ULK2: variants seen among roughly 807,000 people sequenced by gnomAD.
ULK2 encodes serine/threonine-protein kinase ULK2.
Under a neutral mutation model 127.5 loss-of-function variants are expected in ULK2, and 76 were observed. The ratio of observed to expected loss-of-function variants is 0.60; its 90% confidence interval spans 0.50 to 0.72. The LOEUF is 0.72. ULK2 is among the 30% of genes least tolerant of loss of function. The pLI, the probability that ULK2 is intolerant of heterozygous loss-of-function variation, is 0.00. For synonymous variants in ULK2, 452 were observed against 461.9 expected (o/e 0.98, Z 0.28); for missense variants, 1,144 against 1,295.9 (o/e 0.88, Z 1.80).
intron 3 of ULK2, among the ~76,000 whole-genome samples, chr17:19,855,531 C>T (rs1259081553): frequency 1.4e-5 from 2 of 138,400 alleles, no homozygotes; most frequent in Non-Finnish European, 3.0e-5. Flanking sequence ...ATCCGAGAGG[C>T]GGAGGTTGTA....
chr17:19,804,700 A>G lies in ULK2; in HGVS notation c.1288T>C (p.Ser430Pro). 3.1e-6 allele frequency: 5 copies of G among 1,593,826 alleles called. No homozygotes were observed. Among genetic ancestry groups the G allele is most frequent in the Non-Finnish European group, 4.3e-6 (5 of 1,170,364 alleles). Residue 430 changes from serine (S) to proline (P), a missense_variant, in exon 15 of 27, where the codon TCT becomes CCT. Physicochemically the swap from Ser to Pro is moderately conservative, Grantham distance 74. This residue lies in a region of ULK2 where 913 missense variants were observed against 970.5 expected (regional missense o/e 0.94). Transcript: ENST00000395544. The part of the protein sequence containing the change: ...TASSGTNVHG[S>P]PRSAVVRRSN... ...AAAAAGCTACTAACTTACCTTGGAG[A>G]ACCATGTACATTTGTGCCTGAGCTG...
At chr17:19,866,796 GTCTA>G (rs944579574) in intron 1 of ULK2, among the ~76,000 whole-genome samples, 4 of 152,148 alleles carry the variant, frequency 2.6e-5, no homozygotes, top group Non-Finnish European at 5.9e-5. Flanking sequence ...CCCGGAGCTC[GTCTA>G]TCTGACTCCG....
At chr17:19,792,747 A>C (rs934808002) in intron 20 of ULK2, among the ~76,000 whole-genome samples, 1 of 152,136 alleles carries the variant, frequency 6.6e-6, no homozygotes, top group Admixed American at 6.5e-5. Flanking sequence ...AACAAACAAA[A>C]AAAAACCCAG....
chr17:19,814,435 T>TATAC (rs1567696510), intron 13 of ULK2, among the ~76,000 whole-genome samples: 2 of 30,730 alleles, frequency 6.5e-5, no homozygotes, highest in African/African-American at 3.1e-4. Flanking sequence ...TATATATATA[T>TATAC]ATATTTTTTT....
At chr17:19,856,182 C>T (rs1362835063) in intron 3 of ULK2, 1 of 152,216 alleles carries the variant, frequency 6.6e-6, no homozygotes, top group African/African-American at 2.4e-5. Flanking sequence ...GACCAAGAGT[C>T]AACCTCTGTT....
At chr17:19,845,259 A>C (rs1297078896) in intron 7 of ULK2, 45 bp downstream of exon 7, 1 of 1,523,018 alleles carries the variant, frequency 6.6e-7, no homozygotes, top group Non-Finnish European at 9.1e-7. Flanking sequence ...TCCAATGATT[A>C]TGGAGCCATG....
At chr17:19,783,312 A>G (rs549406605) in intron 22 of ULK2, among the ~76,000 whole-genome samples, 1 of 152,092 alleles carries the variant, frequency 6.6e-6, no homozygotes, top group South Asian at 2.1e-4. Context: ...TTAGCCGGGC[A>G]TGGTGGCGTG....
chr17:19,803,614 T>C (rs1003263139), intron 15 of ULK2, among the ~76,000 whole-genome samples: 1 of 152,272 alleles, frequency 6.6e-6, no homozygotes, highest in Non-Finnish European at 1.5e-5. Context: ...CTTTTTTCAT[T>C]TTATAATATA....
At position 19,826,260 on chromosome 17, in the gene ULK2, C is replaced by T. The variant is rs117959517; in HGVS notation, c.788-74G>A. The T allele has an allele frequency of 2.6e-3, 2,352 of 900,476 alleles. 61 individuals carry two copies. The East Asian group carries it at 0.057, about 22-fold the overall frequency. 55.8% of individuals were successfully genotyped at this position (900,476 alleles called of 1,614,324 possible). A position where few individuals can be genotyped will look rare whatever the true frequency, so the allele number is the denominator to read the frequency against. On this transcript the variant is annotated intron_variant, in intron 10 of 26. Coordinates refer to ENST00000395544, the MANE Select transcript of ULK2 (RefSeq NM_014683.4). ...TATCAACCAGGTTATTTTTTCTCAA[C>T]GTATTCAATATAATGTCTTTGAGAT... is the stretch of plus-strand genomic sequence containing the variant.
At position 19,795,695 on chromosome 17, in the gene ULK2, T is replaced by C. The variant is rs1443611505; in HGVS notation, c.2028A>G (p.Gln676=). The change falls in exon 20 of 27, where the codon CAA becomes CAG. Residue 676 remains glutamine (Q), a synonymous_variant. Coordinates refer to ENST00000395544, the MANE Select transcript of ULK2 (RefSeq NM_014683.4). ...RSVSTGKLSD[Q]QGKTPICRHQ... ...GTCGACATATAGGAGTCTTTCCTTG[T>C]TGATCTGATAACTTCCCGGTACTGA... 13 of 1,614,016 alleles carry C rather than the reference T, an allele frequency of 8.1e-6. No homozygotes were observed. Among genetic ancestry groups the C allele is most frequent in the Admixed American group, 5.0e-5 (3 of 60,008 alleles).
intron 12 of ULK2, 74 bp from the exon 13 acceptor site, chr17:19,816,994 ATTT>A: frequency 8.2e-7 from 1 of 1,223,584 alleles, no homozygotes; most frequent in Non-Finnish European, 1.1e-6. Context: ...AGACTAAGGA[ATTT>A]TTTTTTTTCC....
At chr17:19,845,273 TA>T (rs1567719859) in intron 7 of ULK2, 30 bp downstream of exon 7, 1 of 1,588,118 alleles carries the variant, frequency 6.3e-7, no homozygotes, top group Admixed American at 1.7e-5. Flanking sequence ...AGCCATGCTT[TA>T]AACACACAAG....
chr17:19,782,914 T>TCAAACAAA (rs749294056), intron 22 of ULK2, among the ~76,000 whole-genome samples: 9 of 106,484 alleles, frequency 8.5e-5, no homozygotes, highest in Middle Eastern at 4.4e-3. Flanking sequence ...AGACTCTGTC[T>TCAAACAAA]CAAATAAACA....
At chr17:19,781,242 CTTTTTTTTTTTT>C (rs200296663) in intron 23 of ULK2, 138 bp from the exon 24 acceptor site, 3 of 472,152 alleles carry the variant, frequency 6.4e-6, no homozygotes, top group Non-Finnish European at 1.1e-5. Context: ...TCTTTCTTTT[CTTTTTTTTTTTT>C]TTTTTTTGAC....
chr17:19,775,117 G>A lies in ULK2; in HGVS notation c.*1232C>T, dbSNP rs2086791601. ...TTAAAATAAAAGGATTAAAATTGGT[G>A]AATGGTTTATTCAAGTATTCAAGCA... On this transcript the variant is annotated 3_prime_UTR_variant, in exon 27 of 27. Transcript: ENST00000395544. The A allele has an allele frequency of 6.6e-6, 1 of 152,622 alleles. No homozygotes were observed. Among genetic ancestry groups the A allele is most frequent in the Non-Finnish European group, 1.5e-5 (1 of 68,036 alleles). The allele number at this position is 152,622 out of a possible 1,614,324, so 9.5% of individuals were successfully genotyped here.
Position 19,816,857 on chromosome 17 carries a change from T to C in ULK2, c.988A>G (p.Asn330Asp). 6.2e-7 allele frequency: 1 copy of C among 1,612,706 alleles called. No individual in the cohort carries two copies. The highest frequency in any genetic ancestry group is 8.5e-7 in the Non-Finnish European group (1 of 1,179,580). ...GAATCTTTGGAAACTTGTAGATAGT[T>C]GGGAGGACCCAATGGTGGGGAAGAT... ...NLSSPPLGPP[N>D]YLQVSKDSAS... Residue 330 changes from asparagine (N) to aspartate (D), a missense_variant, in exon 13 of 27, where the codon AAC (asparagine) becomes GAC (aspartate). Physicochemically the swap from Asn to Asp is conservative, Grantham distance 23. This residue lies in a region of ULK2 where 913 missense variants were observed against 970.5 expected (regional missense o/e 0.94). Coordinates refer to ENST00000395544, the MANE Select transcript of ULK2 (RefSeq NM_014683.4).
At position 19,796,183 on chromosome 17, in the gene ULK2, T is replaced by G; in HGVS notation, c.1909A>C (p.Asn637His). The G allele has an allele frequency of 6.2e-7, 1 of 1,614,210 alleles. No individual in the cohort carries two copies. The highest frequency in any genetic ancestry group is 8.5e-7 in the Non-Finnish European group (1 of 1,180,046). ...GPAEEQSKDGNEPRECAHCLL... is the reference protein window; with the variant it reads ...GPAEEQSKDGHEPRECAHCLL... ...CAATGGGCACATTCCCGTGGCTCAT[T>G]CCCATCTTTCGACTGTTCTTCAGCA... is the stretch of plus-strand genomic sequence containing the variant. Residue 637 changes from asparagine to histidine, a missense_variant, in exon 19 of 27, where the codon AAT becomes CAT. This residue lies in a region of ULK2 where 913 missense variants were observed against 970.5 expected (regional missense o/e 0.94). Transcript: ENST00000395544.
intron 14 of ULK2, among the ~76,000 whole-genome samples, chr17:19,809,647 C>T (rs1448841157): frequency 6.7e-6 from 1 of 148,196 alleles, no homozygotes; most frequent in Non-Finnish European, 1.5e-5. Flanking sequence ...GCAGGAGAAT[C>T]ACTTGAACCC....
intron 13 of ULK2, among the ~76,000 whole-genome samples, chr17:19,810,741 G>A (rs2087620677): frequency 1.3e-5 from 2 of 152,138 alleles, no homozygotes; most frequent in South Asian, 4.1e-4. Context: ...AAACTGTGCT[G>A]TTTTTATCAG....
Sources: gnomAD v4.1 joint callset for allele counts (sites outside exome capture counted in the v4.1 genomes callset) on GRCh38, gnomAD v4.1.1 for gene constraint, gnomAD v4.1.1 regional missense constraint, MANE v1.5 for transcripts, NCBI Gene and HGNC (gene_info 2026-07-23, HGNC 2026-07-21) for gene names.